SHC4: variants seen among roughly 807,000 people sequenced by gnomAD.
The protein encoded by SHC4 is SHC-transforming protein 4.
Under a neutral mutation model 69.4 loss-of-function variants are expected in SHC4, and 41 were observed. The observed-to-expected ratio is 0.59, with a 90% CI of 0.46 to 0.77. SHC4 has a LOEUF of 0.77. SHC4 is among the 30% of genes least tolerant of loss of function. The probability of loss-of-function intolerance (pLI) is 0.00; values close to 1 mark genes in which losing one functional copy is unlikely to be tolerated. For missense variants in SHC4, 777 were observed against 783.8 expected (o/e 0.99, Z 0.10); for synonymous variants, 318 against 299.3 (o/e 1.06, Z -0.64).
In SHC4 at chr15:48,922,716, C is replaced by T. The variant is rs1900773203; in HGVS notation, c.656+2163G>A. Among the ~76,000 whole-genome samples, 4 of 152,166 alleles carry T rather than the reference C, an allele frequency of 2.6e-5. No homozygotes were observed. In the South Asian group the frequency reaches 8.3e-4, roughly 32 times the overall value. On this transcript the variant is annotated intron_variant, in intron 2 of 11. Coordinates refer to ENST00000332408, the MANE Select transcript of SHC4 (RefSeq NM_203349.4). The stretch of plus-strand genomic sequence containing the variant: ...CTCTCAGGTTAGGACAGTGGGGATT[C>T]CTTTGTCCTGTGCCAACCTGGGGTA...
At chr15:48,904,897 C>T (rs1222851812) in intron 2 of SHC4, among the ~76,000 whole-genome samples, 5 of 150,564 alleles carry the variant, frequency 3.3e-5, no homozygotes, top group Non-Finnish European at 7.4e-5. Context: ...GAGATCCTGT[C>T]TCTAAACACG....
intron 1 of SHC4, among the ~76,000 whole-genome samples, chr15:48,959,356 G>A (rs1901501480): frequency 6.6e-6 from 1 of 152,138 alleles, no homozygotes; most frequent in Non-Finnish European, 1.5e-5. Context: ...CAATGATTCA[G>A]ACCTGGTCTC....
intron 1 of SHC4, among the ~76,000 whole-genome samples, chr15:48,926,888 C>T (rs980206134): frequency 2.6e-5 from 4 of 152,120 alleles, no homozygotes; most frequent in African/African-American, 9.7e-5. Context: ...CATCCAGACT[C>T]CTGTTAGTCA....
intron 1 of SHC4, among the ~76,000 whole-genome samples, chr15:48,939,485 G>T (rs1456017877): frequency 6.6e-6 from 1 of 152,218 alleles, no homozygotes; most frequent in East Asian, 1.9e-4. Flanking sequence ...ATCAGCAGGG[G>T]CTACATTTCA....
chr15:48,902,008 AC>A (rs537187058), intron 2 of SHC4, among the ~76,000 whole-genome samples: 5 of 152,208 alleles, frequency 3.3e-5, no homozygotes, highest in Admixed American at 3.3e-4. Context: ...TTGAGAGCAG[AC>A]TGTGCAACAT....
intron 1 of SHC4, among the ~76,000 whole-genome samples, chr15:48,939,987 G>A (rs796720501): frequency 2.1e-4 from 32 of 152,328 alleles, no homozygotes; most frequent in African/African-American, 7.7e-4. Flanking sequence ...GCCAAGAGGC[G>A]GCAGCTCTGT....
At chr15:48,851,147 G>A in intron 9 of SHC4, 41 bp downstream of exon 9, 7 of 1,600,704 alleles carry the variant, frequency 4.4e-6, no homozygotes, top group Non-Finnish European at 6.0e-6. Flanking sequence ...GACTTACAAG[G>A]AATAAGGAGG....
At position 48,962,831 on chromosome 15, in the gene SHC4, G is replaced by T. The variant is rs1437222475; in HGVS notation, c.185C>A (p.Ala62Asp). 1.2e-6 allele frequency: 2 copies of T among 1,612,764 alleles called. No homozygotes were observed. Among genetic ancestry groups the T allele is most frequent in the Admixed American group, 1.7e-5 (1 of 60,012 alleles). ...NKGSPQPPHPALAPHLPTEDA... is the reference protein window; with the variant it reads ...NKGSPQPPHPDLAPHLPTEDA... ...TTCAGTCGGCAGGTGAGGTGCCAGG[G>T]CGGGGTGGGGAGGCTGCGGCGAGCC... is the stretch of plus-strand genomic sequence containing the variant. The change falls in exon 1 of 12, where the codon GCC becomes GAC. Residue 62 changes from alanine (A) to aspartate (D), a missense_variant. By Grantham distance (126) the Ala-to-Asp change is moderately radical. Coordinates refer to ENST00000332408, the MANE Select transcript of SHC4 (RefSeq NM_203349.4).
At chr15:48,852,928 A>G (rs1191672698) in intron 8 of SHC4, among the ~76,000 whole-genome samples, 1 of 147,848 alleles carries the variant, frequency 6.8e-6, no homozygotes, top group African/African-American at 2.5e-5. Context: ...ATAAATAAAT[A>G]AATAAATAAA....
rs1899587538 is a variant in SHC4, at chr15:48,867,607, T to C, written c.946+211A>G. 3.9e-5 allele frequency among the ~76,000 whole-genome samples: 6 copies of C among 152,256 alleles called. No homozygotes were observed. In the South Asian group the frequency reaches 1.0e-3, roughly 26 times the overall value. On this transcript the variant is annotated intron_variant, in intron 6 of 11. Coordinates refer to ENST00000332408, the MANE Select transcript of SHC4 (RefSeq NM_203349.4). ...GCTAAGCCTTTGGTTTGTGGATCTTTAAAATGATTTAAATTTCATCTACAT... is the reference window on the plus strand; with the variant it reads ...GCTAAGCCTTTGGTTTGTGGATCTTCAAAATGATTTAAATTTCATCTACAT...
At chr15:48,842,131 T>C (rs1435651851) in intron 10 of SHC4, among the ~76,000 whole-genome samples, 1 of 152,228 alleles carries the variant, frequency 6.6e-6, no homozygotes, top group Non-Finnish European at 1.5e-5. Context: ...ATTTTTCAGT[T>C]GATTATAGGC....
At chr15:48,884,469 C>G (rs1254755526) in intron 3 of SHC4, 102 bp from the exon 4 acceptor site, 1 of 1,002,026 alleles carries the variant, frequency 1.0e-6, no homozygotes, top group East Asian at 2.9e-5. Flanking sequence ...AGTCCAAACT[C>G]TTCCTCTCTA....
chr15:48,862,620 C>G (rs879531101), intron 6 of SHC4, among the ~76,000 whole-genome samples: 1 of 152,170 alleles, frequency 6.6e-6, no homozygotes, highest in African/African-American at 2.4e-5. Context: ...TTCCTGTCAA[C>G]CATACTGTCC....
chr15:48,919,331 TGC>T (rs1305002030), intron 2 of SHC4, among the ~76,000 whole-genome samples: 2 of 132,028 alleles, frequency 1.5e-5, no homozygotes, highest in East Asian at 4.4e-4. Flanking sequence ...GATGGGGTCT[TGC>T]TCTGTCACCT....
intron 7 of SHC4, among the ~76,000 whole-genome samples, chr15:48,856,773 T>TAAAAAAAAAAAAA (rs398027192): frequency 8.6e-6 from 1 of 116,048 alleles, no homozygotes; most frequent in African/African-American, 3.1e-5. Context: ...AGTTTCTTAC[T>TAAAAAAAAAAAAA]AAAAAAAAAA....
intron 2 of SHC4, among the ~76,000 whole-genome samples, chr15:48,916,739 G>A (rs928334972): frequency 6.6e-6 from 1 of 152,072 alleles, no homozygotes. Context: ...GACCCCCAGG[G>A]TGGCAATCAC....
intron 1 of SHC4, among the ~76,000 whole-genome samples, chr15:48,940,289 A>T (rs536664787): frequency 6.6e-6 from 1 of 152,208 alleles, no homozygotes; most frequent in Non-Finnish European, 1.5e-5. Flanking sequence ...CCAACACATA[A>T]TCCACTTACA....
intron 2 of SHC4, among the ~76,000 whole-genome samples, chr15:48,923,304 A>G (rs561586828): frequency 6.6e-6 from 1 of 152,306 alleles, no homozygotes; most frequent in East Asian, 1.9e-4. Flanking sequence ...CAATCCCAGA[A>G]CTTTGGGAGT....
At chr15:48,884,460 G>C in intron 3 of SHC4, 93 bp from the exon 4 acceptor site, 1 of 1,101,190 alleles carries the variant, frequency 9.1e-7, no homozygotes, top group African/African-American at 1.6e-5. Context: ...ATGAGTCAAA[G>C]TCCAAACTCT....
Sources: gnomAD v4.1 joint callset for allele counts (sites outside exome capture counted in the v4.1 genomes callset) on GRCh38, gnomAD v4.1.1 for gene constraint, MANE v1.5 for transcripts, NCBI Gene and HGNC (gene_info 2026-07-23, HGNC 2026-07-21) for gene names.